The following SEPTIN2 variants were observed in gnomAD, a reference collection of about 807,000 sequenced individuals.
SEPTIN2 encodes septin-2.
A neutral mutation model predicts 46.5 loss-of-function variants in SEPTIN2; 34 were observed. That is an observed-to-expected ratio of 0.73 (90% CI 0.56 to 0.97). The LOEUF is 0.97. SEPTIN2 is among the 50% of genes least tolerant of loss of function. SEPTIN2 has a pLI of 0.00. For synonymous variants in SEPTIN2, 175 were observed against 153.4 expected, an observed-to-expected ratio of 1.14 and a Z score of -1.04; for missense variants, 347 against 448.4, an observed-to-expected ratio of 0.77 and a Z score of 2.04.
At chr2:241,332,714 G>T (rs541353722) in intron 3 of SEPTIN2, among the ~76,000 whole-genome samples, 1 of 152,344 alleles carries the variant, frequency 6.6e-6, no homozygotes, top group African/African-American at 2.4e-5. Context: ...CCCCAAACTG[G>T]GGACAGCAGA....
In SEPTIN2 at chr2:241,353,606, A is replaced by G. The variant is rs6672; in HGVS notation, c.*1669A>G. On this transcript the variant is annotated 3_prime_UTR_variant, in exon 13 of 13. Transcript: ENST00000391971. ...GCTTAATTGTGAACAGCCAAAAGCT[A>G]TATGTTATGGCTTATTGTGTGAAGG... The G allele has an allele frequency of 0.17, 26,054 of 152,288 alleles. 2,601 individuals are homozygous for G. The highest frequency in any genetic ancestry group is 0.4 in the East Asian group (2,092 of 5,180). 9.4% of individuals were successfully genotyped at this position (152,288 alleles called of 1,614,324 possible).
Position 241,348,145 on chromosome 2 carries a change from A to C in SEPTIN2, c.938A>C (p.Asn313Thr). ...RLKRGGRKVE[N>T]EDMNKDQILL... The stretch of plus-strand genomic sequence containing the variant: ...CTTTCGATTCTTAGGAAAGTGGAGA[A>C]TGAGGACATGAATAAAGACCAGATC... Residue 313 changes from asparagine (N) to threonine (T), a missense_variant, in exon 11 of 13, where the codon AAT becomes ACT. Physicochemically the swap from Asn to Thr is moderately conservative, Grantham distance 65. Transcript: ENST00000391971. The C allele has an allele frequency of 6.2e-7, 1 of 1,612,756 alleles. No individual in the cohort carries two copies. The highest frequency in any genetic ancestry group is 8.5e-7 in the Non-Finnish European group (1 of 1,179,312).
In SEPTIN2 at chr2:241,346,222, G is replaced by A. The variant is rs191642496; in HGVS notation, c.899G>A (p.Arg300His). ...VTQDLHYENF[R>H]SERLKRGGRK... ...CAGGACCTTCATTATGAAAACTTCCGTTCTGAGAGACTCAAGAGAGGCGGC... is the reference window on the plus strand; with the variant it reads ...CAGGACCTTCATTATGAAAACTTCCATTCTGAGAGACTCAAGAGAGGCGGC... The change falls in exon 10 of 13, where the codon CGT becomes CAT. Residue 300 changes from arginine to histidine, a missense_variant. Physicochemically the swap from Arg to His is conservative, Grantham distance 29. Transcript: ENST00000391971. 4 of 1,613,728 alleles carry A rather than the reference G, an allele frequency of 2.5e-6. No homozygotes were observed. Among genetic ancestry groups the A allele is most frequent in the South Asian group, 1.1e-5 (1 of 91,062 alleles).
chr2:241,323,396 C>T (rs1218855742), intron 1 of SEPTIN2, among the ~76,000 whole-genome samples: 8 of 151,790 alleles, frequency 5.3e-5, no homozygotes, highest in Admixed American at 5.3e-4. Context: ...TCTTGAACTC[C>T]TGACCTCAAG....
chr2:241,318,557 T>G (rs1192439583), intron 1 of SEPTIN2, among the ~76,000 whole-genome samples: 1 of 152,230 alleles, frequency 6.6e-6, no homozygotes, highest in African/African-American at 2.4e-5. Context: ...GTTTGGATTT[T>G]TAAAAATTCT....
intron 8 of SEPTIN2, among the ~76,000 whole-genome samples, chr2:241,343,389 C>G (rs1186871507): frequency 2.0e-5 from 3 of 151,966 alleles, no homozygotes; most frequent in Non-Finnish European, 2.9e-5. Flanking sequence ...GTCCCAGCCA[C>G]TCGGGAGGCT....
chr2:241,315,787 C>G (rs1027061539), upstream of SEPTIN2: 1 of 152,340 alleles, frequency 6.6e-6, no homozygotes, highest in Non-Finnish European at 1.5e-5. Context: ...GGAAGCCGGC[C>G]GCATGGGGGA....
chr2:241,353,250 C>G lies in SEPTIN2; in HGVS notation c.*1313C>G, dbSNP rs111269907. 9 of 152,380 alleles carry G rather than the reference C, an allele frequency of 5.9e-5. 1 individual carries two copies. Among genetic ancestry groups the G allele is most frequent in the African/African-American group, 2.2e-4 (9 of 41,582 alleles). 9.4% of individuals were successfully genotyped at this position (152,380 alleles called of 1,614,324 possible). Reference sequence around the variant, plus strand: ...TAGCATAGGCTAGTGGGCAGGTCCGCACAGTCGAAGCCACACCTGGTCTGT... The same window carrying G: ...TAGCATAGGCTAGTGGGCAGGTCCGGACAGTCGAAGCCACACCTGGTCTGT... On this transcript the variant is annotated 3_prime_UTR_variant, in exon 13 of 13. Transcript: ENST00000391971.
intron 3 of SEPTIN2, among the ~76,000 whole-genome samples, chr2:241,333,614 A>ATT (rs1490648360): frequency 1.5e-5 from 2 of 130,296 alleles, no homozygotes; most frequent in Non-Finnish European, 3.4e-5. Flanking sequence ...GGTTCACGCC[A>ATT]TTCTCCTGCC....
chr2:241,317,915 A>G (rs2076606354), intron 1 of SEPTIN2, among the ~76,000 whole-genome samples: 1 of 152,208 alleles, frequency 6.6e-6, no homozygotes, highest in African/African-American at 2.4e-5. Context: ...ATCTGAAGGA[A>G]CAAAATTTTC....
chr2:241,348,845 AAC>A (rs1205797672), intron 11 of SEPTIN2, among the ~76,000 whole-genome samples: 1 of 152,224 alleles, frequency 6.6e-6, no homozygotes, highest in African/African-American at 2.4e-5. Context: ...TTGGAAGGCA[AAC>A]ACATTATTCA....
intron 7 of SEPTIN2, among the ~76,000 whole-genome samples, chr2:241,342,006 A>G (rs1394074331): frequency 1.3e-5 from 2 of 152,056 alleles, no homozygotes; most frequent in East Asian, 1.9e-4. Flanking sequence ...CCCCCACACT[A>G]CTGCCTGCTT....
At chr2:241,331,826 A>G (rs1447817810) in intron 3 of SEPTIN2, among the ~76,000 whole-genome samples, 1 of 152,254 alleles carries the variant, frequency 6.6e-6, no homozygotes, top group African/African-American at 2.4e-5. Context: ...TCAAGACTTA[A>G]CAGCAGTAAT....
intron 7 of SEPTIN2, among the ~76,000 whole-genome samples, chr2:241,342,445 G>A (rs1040026954): frequency 6.6e-6 from 1 of 150,672 alleles, no homozygotes; most frequent in Non-Finnish European, 1.5e-5. Context: ...TACATTGAGG[G>A]TAGTGGTGCA....
At position 241,321,030 on chromosome 2, in the gene SEPTIN2, A is replaced by G. The variant is rs187555267; in HGVS notation, c.-17-3186A>G. Among the ~76,000 whole-genome samples, 417 of 152,302 alleles carry G rather than the reference A, an allele frequency of 2.7e-3. 9 individuals carry two copies. Among genetic ancestry groups the G allele is most frequent in the Admixed American group, 0.025 (385 of 15,300 alleles). On this transcript the variant is annotated intron_variant, in intron 1 of 12. Transcript: ENST00000391971. ...TTTTCATCTTTTTCCACCCAATTTA[A>G]GCAGATAATTATTTGAGAACATTGA...
intron 3 of SEPTIN2, among the ~76,000 whole-genome samples, chr2:241,330,849 A>G (rs917728082): frequency 6.6e-6 from 1 of 152,316 alleles, no homozygotes; most frequent in African/African-American, 2.4e-5. Flanking sequence ...TGAAAAACGA[A>G]TTTGTAAAAA....
At chr2:241,350,307 T>C (rs999329969) in intron 12 of SEPTIN2, 104 bp downstream of exon 12, 2 of 537,766 alleles carry the variant, frequency 3.7e-6, no homozygotes, top group African/African-American at 4.0e-5. Context: ...TTTTGCATTT[T>C]GAAGTAACTC....
intron 11 of SEPTIN2, among the ~76,000 whole-genome samples, chr2:241,349,629 T>G (rs1286061008): frequency 6.6e-6 from 1 of 152,026 alleles, no homozygotes; most frequent in Non-Finnish European, 1.5e-5. Context: ...GAGACCAGCC[T>G]GACCAATGTG....
At chr2:241,327,303 C>G (rs1286176255) in intron 3 of SEPTIN2, among the ~76,000 whole-genome samples, 1 of 151,436 alleles carries the variant, frequency 6.6e-6, no homozygotes, top group African/African-American at 2.4e-5. Context: ...CCAAGTGGAA[C>G]TTCTAAAGAT....
Sources: allele counts gnomAD v4.1 joint callset (sites outside exome capture counted in the v4.1 genomes callset), GRCh38; gene constraint gnomAD v4.1.1; transcripts MANE v1.5; gene names NCBI Gene and HGNC (gene_info 2026-07-23, HGNC 2026-07-21).